The following BMPR1B variants were observed in gnomAD, a reference collection of about 807,000 sequenced individuals.
BMPR1B encodes bone morphogenetic protein receptor type 1B, also known as bone morphogenetic protein receptor type-1B.
BMPR1B carries 12 observed loss-of-function variants against 59.1 expected under a neutral mutation model. That is an observed-to-expected ratio of 0.20 (90% CI 0.13 to 0.33). BMPR1B has a LOEUF of 0.33. Among genes scored for constraint, BMPR1B ranks in the 10% least tolerant of loss-of-function variants. The pLI, the probability that BMPR1B is intolerant of heterozygous loss-of-function variation, is 1.00. For synonymous variants in BMPR1B, 237 were observed against 207.3 expected (o/e 1.14, Z -1.23); for missense variants, 550 against 610.9 (o/e 0.90, Z 1.05).
At chr4:94,909,982 G>A (rs1038540944) in intron 2 of BMPR1B, among the ~76,000 whole-genome samples, 4 of 151,830 alleles carry the variant, frequency 2.6e-5, no homozygotes, top group African/African-American at 7.3e-5. Flanking sequence ...ACCCTCATAG[G>A]AAACTGTATT....
chr4:95,101,621 A>G (rs1391437486), intron 3 of BMPR1B, among the ~76,000 whole-genome samples: 1 of 151,946 alleles, frequency 6.6e-6, no homozygotes, highest in Non-Finnish European at 1.5e-5. Context: ...CAGCTTTTGT[A>G]GCTTTATTAT....
At chr4:95,084,756 A>G (rs1729445643) in intron 3 of BMPR1B, among the ~76,000 whole-genome samples, 1 of 152,314 alleles carries the variant, frequency 6.6e-6, no homozygotes. Flanking sequence ...ATGTTTGTCT[A>G]AGTCTTTTCC....
chr4:94,877,163 T>G (rs1726762742), intron 2 of BMPR1B, among the ~76,000 whole-genome samples: 1 of 152,166 alleles, frequency 6.6e-6, no homozygotes. Flanking sequence ...GATTCAAGTA[T>G]CAGAATCATA....
At chr4:94,771,608 A>G (rs1361537892) in intron 1 of BMPR1B, among the ~76,000 whole-genome samples, 1 of 152,180 alleles carries the variant, frequency 6.6e-6, no homozygotes, top group African/African-American at 2.4e-5. Flanking sequence ...ATATGGAAAA[A>G]TATATTTTGA....
At chr4:94,822,261 A>C (rs181368136) in intron 1 of BMPR1B, among the ~76,000 whole-genome samples, 328 of 152,274 alleles carry the variant, frequency 2.2e-3, no homozygotes, top group African/African-American at 7.6e-3. Flanking sequence ...CCACCTCCCA[A>C]CACCACCACA....
intron 1 of BMPR1B, among the ~76,000 whole-genome samples, chr4:94,826,041 GAA>G (rs144458259): frequency 2.0e-5 from 3 of 150,782 alleles, no homozygotes; most frequent in African/African-American, 7.3e-5. Flanking sequence ...TTTATTTGTG[GAA>G]AAAAAAATTT....
At chr4:94,919,776 A>C (rs1314486651) in intron 2 of BMPR1B, among the ~76,000 whole-genome samples, 1 of 152,156 alleles carries the variant, frequency 6.6e-6, no homozygotes, top group South Asian at 2.1e-4. Flanking sequence ...ATGGGGAACT[A>C]CCAAGAAAAA....
intron 10 of BMPR1B, among the ~76,000 whole-genome samples, chr4:95,132,461 C>T (rs917364541): frequency 1.3e-5 from 2 of 152,042 alleles, no homozygotes; most frequent in Non-Finnish European, 2.9e-5. Flanking sequence ...TAATAACATA[C>T]CCCAAATATA....
chr4:95,106,827 G>A (rs1731228382), intron 4 of BMPR1B, among the ~76,000 whole-genome samples: 1 of 151,798 alleles, frequency 6.6e-6, no homozygotes, highest in Non-Finnish European at 1.5e-5. Context: ...TTTCATTCAG[G>A]GGTTTGTAAG....
intron 3 of BMPR1B, among the ~76,000 whole-genome samples, chr4:95,092,828 C>T (rs1056735512): frequency 1.3e-5 from 2 of 151,978 alleles, no homozygotes; most frequent in African/African-American, 2.4e-5. Context: ...GTTTTATACA[C>T]TAGGCTGTCT....
At chr4:95,116,690 T>C (rs372323083) in intron 6 of BMPR1B, among the ~76,000 whole-genome samples, 7 of 151,552 alleles carry the variant, frequency 4.6e-5, no homozygotes, top group African/African-American at 1.7e-4. Flanking sequence ...TCATAGTTCA[T>C]TGCAACCTCC....
intron 2 of BMPR1B, among the ~76,000 whole-genome samples, chr4:94,959,430 C>T (rs1294144550): frequency 2.0e-5 from 3 of 152,038 alleles, no homozygotes; most frequent in Admixed American, 1.3e-4. Context: ...AAAGTAAGAC[C>T]CCTTCTCCGA....
chr4:94,957,245 G>A (rs1730172310), intron 2 of BMPR1B, among the ~76,000 whole-genome samples: 1 of 151,482 alleles, frequency 6.6e-6, no homozygotes, highest in South Asian at 2.1e-4. Flanking sequence ...TGCCTTCCAT[G>A]GCGGTATATG....
intron 8 of BMPR1B, 137 bp from the exon 9 acceptor site, chr4:95,129,725 A>T: frequency 1.3e-6 from 1 of 766,132 alleles, no homozygotes; most frequent in Non-Finnish European, 2.1e-6. Flanking sequence ...AATAAATACA[A>T]ATAAGTTGTC....
chr4:95,131,641 C>T (rs377410098), intron 10 of BMPR1B, 129 bp downstream of exon 10: 49 of 1,085,758 alleles, frequency 4.5e-5, no homozygotes, highest in Non-Finnish European at 6.3e-5. Flanking sequence ...ACGGGGAGAA[C>T]CACCAAACAT....
chr4:95,156,183 G>T lies in BMPR1B; in HGVS notation c.*1510G>T, dbSNP rs1468585327. ...GAAGGCCAATATTGTTTAGCAACAT[G>T]AATACAATACAGTTTAAAGTTGTAC... On this transcript the variant is annotated 3_prime_UTR_variant, in exon 13 of 13. Coordinates refer to ENST00000515059, the MANE Select transcript of BMPR1B (RefSeq NM_001203.3). The T allele has an allele frequency of 6.6e-6, 1 of 152,120 alleles. No individual in the cohort carries two copies. Among genetic ancestry groups the T allele is most frequent in the Non-Finnish European group, 1.5e-5 (1 of 68,010 alleles). 9.4% of individuals were successfully genotyped at this position (152,120 alleles called of 1,614,324 possible). A position where few individuals can be genotyped will look rare whatever the true frequency, so the allele number is the denominator to read the frequency against.
intron 1 of BMPR1B, among the ~76,000 whole-genome samples, chr4:94,795,435 A>AT (rs70946548): frequency 6.7e-4 from 99 of 147,764 alleles, no homozygotes; most frequent in East Asian, 3.6e-3. Context: ...TTATTGAAAC[A>AT]TTTTTTTTTT....
chr4:95,007,197 G>GT (rs1560592101), intron 3 of BMPR1B, among the ~76,000 whole-genome samples: 1 of 152,132 alleles, frequency 6.6e-6, no homozygotes, highest in South Asian at 2.1e-4. Context: ...ACTCTGGAAT[G>GT]TTTTTTGAGG....
At chr4:94,933,588 G>A (rs1036575542) in intron 2 of BMPR1B, among the ~76,000 whole-genome samples, 2 of 152,162 alleles carry the variant, frequency 1.3e-5, no homozygotes, top group South Asian at 4.2e-4. Flanking sequence ...CCAGCATGCT[G>A]GATGGATTCT....
Sources: allele counts gnomAD v4.1 joint callset (sites outside exome capture counted in the v4.1 genomes callset), GRCh38; gene constraint gnomAD v4.1.1; transcripts MANE v1.5; gene names NCBI Gene and HGNC (gene_info 2026-07-23, HGNC 2026-07-21).